SEMA5A: variants seen among roughly 807,000 people sequenced by gnomAD.
SEMA5A encodes semaphorin 5A.
A neutral mutation model predicts 135.5 loss-of-function variants in SEMA5A; 55 were observed. The observed-to-expected ratio is 0.41, with a 90% CI of 0.33 to 0.51. The LOEUF (loss-of-function observed/expected upper bound fraction) is 0.51, where lower values mean the gene tolerates loss of function less well. SEMA5A is among the 20% of genes least tolerant of loss of function. The pLI is 0.37. For missense variants in SEMA5A, 1,290 were observed against 1,419.9 expected (o/e 0.91, Z 1.47); for synonymous variants, 580 against 546.5 (o/e 1.06, Z -0.85).
intron 3 of SEMA5A, among the ~76,000 whole-genome samples, chr5:9,350,277 G>C (rs1356576332): frequency 6.6e-6 from 1 of 152,144 alleles, no homozygotes; most frequent in Non-Finnish European, 1.5e-5. Flanking sequence ...GGTTGATTTA[G>C]GTTGGAATCT....
intron 2 of SEMA5A, among the ~76,000 whole-genome samples, chr5:9,436,066 A>G (rs6873574): frequency 0.68 from 103,708 of 152,028 alleles, 36,520 homozygotes; most frequent in Middle Eastern, 0.83. Flanking sequence ...ACTCACTGCA[A>G]TTCTCTTGCA....
chr5:9,383,603 ACT>A (rs1326254086), intron 2 of SEMA5A, among the ~76,000 whole-genome samples: 4 of 152,184 alleles, frequency 2.6e-5, no homozygotes, highest in African/African-American at 7.2e-5. Context: ...GGGTTGGAGC[ACT>A]GCCCTGTCAT....
At chr5:9,206,986 G>A (rs1355337804) in intron 8 of SEMA5A, among the ~76,000 whole-genome samples, 1 of 147,678 alleles carries the variant, frequency 6.8e-6, no homozygotes, top group Non-Finnish European at 1.5e-5. Context: ...TTTGGCAAGT[G>A]TCGCACAAGG....
chr5:9,542,721 C>T (rs898947429), intron 1 of SEMA5A, among the ~76,000 whole-genome samples: 22 of 152,096 alleles, frequency 1.4e-4, no homozygotes, highest in South Asian at 4.1e-4. Flanking sequence ...GCAGGATGTA[C>T]GGCTGCTGTA....
intron 8 of SEMA5A, among the ~76,000 whole-genome samples, chr5:9,222,889 T>A (rs1282589412): frequency 6.6e-6 from 1 of 152,230 alleles, no homozygotes; most frequent in Non-Finnish European, 1.5e-5. Flanking sequence ...TACTATGACC[T>A]GAATTGTTTT....
In SEMA5A at chr5:9,509,166, G is replaced by A. The variant is rs900282281; in HGVS notation, c.-175+36418C>T. Among the ~76,000 whole-genome samples, 25 of 136,666 alleles carry A rather than the reference G, an allele frequency of 1.8e-4. 1 individual carries two copies. In the Middle Eastern group the frequency reaches 0.012, roughly 63 times the overall value. The allele number at this position is 136,666 out of a possible 152,430, so 89.7% of individuals were successfully genotyped here. A position where few individuals can be genotyped will look rare whatever the true frequency, so the allele number is the denominator to read the frequency against. Reference sequence around the variant, plus strand: ...TCCACAGGGGTGAAGAAAAGAGCAGGATGAGAGGAGGAATTTGGAAAGTTC... The same window carrying A: ...TCCACAGGGGTGAAGAAAAGAGCAGAATGAGAGGAGGAATTTGGAAAGTTC... On this transcript the variant is annotated intron_variant, in intron 1 of 22. Coordinates refer to ENST00000382496, the MANE Select transcript of SEMA5A (RefSeq NM_003966.3).
At chr5:9,197,744 G>GTT (rs776690154) in intron 9 of SEMA5A, among the ~76,000 whole-genome samples, 2 of 128,634 alleles carry the variant, frequency 1.6e-5, no homozygotes, top group Non-Finnish European at 3.3e-5. Flanking sequence ...GTGTGTGTGT[G>GTT]TGTGTGTGTG....
chr5:9,290,350 A>G (rs997894412), intron 5 of SEMA5A, among the ~76,000 whole-genome samples: 1 of 152,218 alleles, frequency 6.6e-6, no homozygotes, highest in Non-Finnish European at 1.5e-5. Flanking sequence ...AATGGTTTCC[A>G]GGTCCATGCA....
At chr5:9,487,820 T>C (rs1389055256) in intron 1 of SEMA5A, among the ~76,000 whole-genome samples, 1 of 152,230 alleles carries the variant, frequency 6.6e-6, no homozygotes, top group African/African-American at 2.4e-5. Context: ...GATCACATTA[T>C]GTTGTTATAT....
chr5:9,174,337 C>A (rs762682835), intron 11 of SEMA5A, among the ~76,000 whole-genome samples: 1 of 152,196 alleles, frequency 6.6e-6, no homozygotes, highest in African/African-American at 2.4e-5. Flanking sequence ...TACTCCCAAC[C>A]CTCTCTTAAT....
intron 16 of SEMA5A, among the ~76,000 whole-genome samples, chr5:9,103,318 T>C (rs1425223137): frequency 1.3e-5 from 2 of 152,226 alleles, no homozygotes; most frequent in Admixed American, 1.3e-4. Context: ...CTGTCATTAT[T>C]TTCATGTGTC....
chr5:9,440,207 G>A (rs766817051), intron 1 of SEMA5A, among the ~76,000 whole-genome samples: 15 of 152,202 alleles, frequency 9.9e-5, no homozygotes, highest in Non-Finnish European at 1.5e-4. Context: ...CAGAGCCCCC[G>A]TGTCCTCTCC....
At chr5:9,150,220 C>T (rs1476028587) in intron 12 of SEMA5A, among the ~76,000 whole-genome samples, 2 of 152,162 alleles carry the variant, frequency 1.3e-5, no homozygotes, top group East Asian at 1.9e-4. Context: ...GGTCAGCTTT[C>T]CTGTCTTCCC....
chr5:9,050,769 C>T (rs1366248466), intron 20 of SEMA5A, among the ~76,000 whole-genome samples: 3 of 152,180 alleles, frequency 2.0e-5, no homozygotes, highest in African/African-American at 7.2e-5. Context: ...CGGGGGGATC[C>T]CCCCACTCTG....
intron 3 of SEMA5A, among the ~76,000 whole-genome samples, chr5:9,350,141 A>T (rs958288675): frequency 6.6e-6 from 1 of 152,130 alleles, no homozygotes; most frequent in Non-Finnish European, 1.5e-5. Context: ...TGGAAAAACA[A>T]ATTAACTTGT....
intron 2 of SEMA5A, among the ~76,000 whole-genome samples, chr5:9,398,592 T>G (rs923364925): frequency 6.6e-6 from 1 of 152,212 alleles, no homozygotes; most frequent in African/African-American, 2.4e-5. Context: ...CCAGCATGGC[T>G]GAGGATACTG....
At chr5:9,229,037 C>A (rs772895023) in intron 6 of SEMA5A, among the ~76,000 whole-genome samples, 10 of 152,154 alleles carry the variant, frequency 6.6e-5, no homozygotes, top group African/African-American at 1.2e-4. Context: ...ATGATCCTCC[C>A]ACCTTGGCCT....
At chr5:9,344,792 G>T (rs1753792572) in intron 3 of SEMA5A, among the ~76,000 whole-genome samples, 1 of 152,184 alleles carries the variant, frequency 6.6e-6, no homozygotes, top group Non-Finnish European at 1.5e-5. Flanking sequence ...AAATATATGA[G>T]CCTCTACTAT....
intron 3 of SEMA5A, among the ~76,000 whole-genome samples, chr5:9,353,206 GA>G (rs1343147991): frequency 7.7e-6 from 1 of 129,558 alleles, no homozygotes; most frequent in Non-Finnish European, 1.6e-5. Context: ...GAAAGGAAAG[GA>G]AAGGAAAGGA....
Sources: gnomAD v4.1 joint callset for allele counts (sites outside exome capture counted in the v4.1 genomes callset) on GRCh38, gnomAD v4.1.1 for gene constraint, MANE v1.5 for transcripts, NCBI Gene and HGNC (gene_info 2026-07-23, HGNC 2026-07-21) for gene names.